SLC9C1: variants seen among roughly 807,000 people sequenced by gnomAD.
The protein encoded by SLC9C1 is solute carrier family 9 member C1.
In SLC9C1, 97 loss-of-function variants were observed where a neutral mutation model predicts 140.9. That is an observed-to-expected ratio of 0.69 (90% CI 0.58 to 0.82). The LOEUF (loss-of-function observed/expected upper bound fraction) is 0.82, where lower values mean the gene tolerates loss of function less well. Among genes scored for constraint, SLC9C1 ranks in the 40% least tolerant of loss-of-function variants. The pLI is 0.00. For synonymous variants in SLC9C1, 440 were observed against 442.6 expected (o/e 0.99, Z 0.07); for missense variants, 1,340 against 1,389.3 (o/e 0.96, Z 0.56).
rs570554207 is a variant in SLC9C1, at chr3:112,206,080, A to G, written c.1987-1677T>C. ...GTGAACAGGCAACCTACAAAATGGG[A>G]GAAAATTTTAGCAACCTACTCATCT... is the stretch of plus-strand genomic sequence containing the variant. On this transcript the variant is annotated intron_variant, in intron 16 of 28. Transcript: ENST00000305815. Among the ~76,000 whole-genome samples, 56 of 78,886 alleles carry G rather than the reference A, an allele frequency of 7.1e-4. 2 individuals are homozygous for G. Among genetic ancestry groups the G allele is most frequent in the Non-Finnish European group, 1.2e-3 (43 of 35,228 alleles). The allele number at this position is 78,886 out of a possible 152,430, so 51.8% of individuals were successfully genotyped here. A position where few individuals can be genotyped will look rare whatever the true frequency, so the allele number is the denominator to read the frequency against.
chr3:112,174,094 T>C (rs2077293563), intron 23 of SLC9C1, among the ~76,000 whole-genome samples: 1 of 152,222 alleles, frequency 6.6e-6, no homozygotes, highest in South Asian at 2.1e-4. Context: ...CTTTAGAAAA[T>C]TGTCGGTTCA....
intron 1 of SLC9C1, among the ~76,000 whole-genome samples, chr3:112,292,334 T>C (rs1442783701): frequency 2.0e-5 from 3 of 152,166 alleles, no homozygotes; most frequent in African/African-American, 7.2e-5. Context: ...TTCAGAGATA[T>C]ATATGATCAA....
chr3:112,290,701 T>C (rs1192896583), intron 1 of SLC9C1, among the ~76,000 whole-genome samples: 4 of 152,186 alleles, frequency 2.6e-5, no homozygotes, highest in African/African-American at 9.7e-5. Context: ...TCTTTGAAAG[T>C]CTCTAAGAAC....
At chr3:112,148,313 A>G (rs1366438400) in intron 28 of SLC9C1, among the ~76,000 whole-genome samples, 1 of 152,134 alleles carries the variant, frequency 6.6e-6, no homozygotes, top group African/African-American at 2.4e-5. Context: ...GAAATCCTTT[A>G]GTGGTGTTAC....
At position 112,277,770 on chromosome 3, in the gene SLC9C1, T is replaced by C. The variant is rs750863337; in HGVS notation, c.409A>G (p.Thr137Ala). 6.2e-7 allele frequency: 1 copy of C among 1,612,852 alleles called. No homozygotes were observed. Among genetic ancestry groups the C allele is most frequent in the Non-Finnish European group, 8.5e-7 (1 of 1,179,322 alleles). The part of the protein sequence containing the change: ...ASVNQLLLKP[T>A]QWLLFSAILV... ...ATAGCTGAAAATAATAACCATTGGG[T>C]AGGCTTCAAAAGTAATTGATTTACA... The change falls in exon 5 of 29, where the codon ACC (threonine) becomes GCC (alanine). Residue 137 changes from threonine (T) to alanine (A), a missense_variant. Coordinates refer to ENST00000305815, the MANE Select transcript of SLC9C1 (RefSeq NM_183061.3).
intron 15 of SLC9C1, among the ~76,000 whole-genome samples, chr3:112,213,739 A>T (rs2078274754): frequency 6.6e-6 from 1 of 152,084 alleles, no homozygotes; most frequent in Non-Finnish European, 1.5e-5. Flanking sequence ...GAGACTTAAG[A>T]CTCCCACACA....
At position 112,149,667 on chromosome 3, in the gene SLC9C1, G is replaced by A. The variant is rs76599934; in HGVS notation, c.3524+2190C>T. On this transcript the variant is annotated intron_variant, in intron 28 of 28. Coordinates refer to ENST00000305815, the MANE Select transcript of SLC9C1 (RefSeq NM_183061.3). ...GAATGGGTATTCCAAATGCCTGGAGGTCTGCCTGGGTGTGGAACAGAGAGC... is the reference window on the plus strand; with the variant it reads ...GAATGGGTATTCCAAATGCCTGGAGATCTGCCTGGGTGTGGAACAGAGAGC... 1.0e-3 allele frequency among the ~76,000 whole-genome samples: 159 copies of A among 151,970 alleles called. 4 individuals carry two copies. In the East Asian group the frequency reaches 0.028, roughly 26 times the overall value.
intron 12 of SLC9C1, among the ~76,000 whole-genome samples, chr3:112,234,852 A>C (rs931299096): frequency 5.3e-5 from 8 of 152,030 alleles, no homozygotes; most frequent in South Asian, 2.1e-4. Flanking sequence ...GTTTTGGTAC[A>C]AGTACCATGC....
intron 28 of SLC9C1, 46 bp from the exon 29 acceptor site, chr3:112,141,327 A>G (rs1483645450): frequency 1.0e-5 from 16 of 1,554,484 alleles, no homozygotes; most frequent in Non-Finnish European, 1.4e-5. Flanking sequence ...GGGCTTTTGA[A>G]TCTTTCAATA....
At chr3:112,166,878 A>G (rs1009308195) in intron 26 of SLC9C1, among the ~76,000 whole-genome samples, 6 of 152,180 alleles carry the variant, frequency 3.9e-5, no homozygotes, top group African/African-American at 1.4e-4. Context: ...ATCTAGTTCC[A>G]GTGATTTATG....
chr3:112,211,442 G>A (rs6764248), intron 15 of SLC9C1, among the ~76,000 whole-genome samples: 69,059 of 152,076 alleles, frequency 0.45, 16,164 homozygotes, highest in East Asian at 0.62. Flanking sequence ...GGGGTCGGGG[G>A]ATTCCCTTTC....
intron 12 of SLC9C1, among the ~76,000 whole-genome samples, chr3:112,233,515 G>A (rs1381780308): frequency 6.6e-6 from 1 of 151,904 alleles, no homozygotes; most frequent in South Asian, 2.1e-4. Context: ...AAGTTCTAGG[G>A]TACATGTGCA....
At chr3:112,174,475 A>G (rs2077299978) in intron 23 of SLC9C1, among the ~76,000 whole-genome samples, 1 of 152,230 alleles carries the variant, frequency 6.6e-6, no homozygotes, top group Non-Finnish European at 1.5e-5. Flanking sequence ...GCAGGGATAC[A>G]ACTGTTACTG....
chr3:112,287,304 G>A (rs2080538474), intron 1 of SLC9C1, among the ~76,000 whole-genome samples: 1 of 152,210 alleles, frequency 6.6e-6, no homozygotes, highest in Admixed American at 6.5e-5. Flanking sequence ...TCCAAAGTAG[G>A]AGGAAAAGCA....
chr3:112,237,555 T>C (rs983886651), intron 12 of SLC9C1, among the ~76,000 whole-genome samples: 1 of 152,236 alleles, frequency 6.6e-6, no homozygotes, highest in African/African-American at 2.4e-5. Context: ...CTAGCATCGA[T>C]GGTCTTTACA....
At chr3:112,180,969 T>C (rs573992026) in intron 21 of SLC9C1, among the ~76,000 whole-genome samples, 15 of 152,350 alleles carry the variant, frequency 9.8e-5, no homozygotes, top group Admixed American at 9.2e-4. Flanking sequence ...TTGGCCAGGC[T>C]GGTCTCAGAC....
intron 28 of SLC9C1, 54 bp from the exon 29 acceptor site, chr3:112,141,335 A>G: frequency 6.5e-7 from 1 of 1,542,962 alleles, no homozygotes; most frequent in Admixed American, 2.0e-5. Context: ...GAATCTTTCA[A>G]TATTGACTTA....
chr3:112,163,607 T>A (rs2075372718), intron 26 of SLC9C1, among the ~76,000 whole-genome samples: 1 of 151,970 alleles, frequency 6.6e-6, no homozygotes, highest in African/African-American at 2.4e-5. Context: ...AATCCTGAGT[T>A]CTAGTTTGAT....
chr3:112,225,442 G>A (rs1218870228), intron 13 of SLC9C1, among the ~76,000 whole-genome samples: 1 of 151,712 alleles, frequency 6.6e-6, no homozygotes, highest in Non-Finnish European at 1.5e-5. Flanking sequence ...CAATGGTAGA[G>A]CAGATACACA....
Sources: gnomAD v4.1 joint callset for allele counts (sites outside exome capture counted in the v4.1 genomes callset) on GRCh38, gnomAD v4.1.1 for gene constraint, MANE v1.5 for transcripts, NCBI Gene and HGNC (gene_info 2026-07-23, HGNC 2026-07-21) for gene names.